The following WDFY2 variants were observed in gnomAD, a reference collection of about 807,000 sequenced individuals.
WDFY2 encodes WD repeat and FYVE domain containing 2.
Under a neutral mutation model 56.4 loss-of-function variants are expected in WDFY2, and 36 were observed. The observed-to-expected ratio is 0.64, with a 90% CI of 0.49 to 0.84. The LOEUF is 0.84. Ranked by LOEUF, WDFY2 falls within the 40% of genes least tolerant of loss-of-function variation. The probability of loss-of-function intolerance (pLI) is 0.00; values close to 1 mark genes in which losing one functional copy is unlikely to be tolerated. For missense variants in WDFY2, 444 were observed against 512.2 expected (o/e 0.87, Z 1.29); for synonymous variants, 176 against 183.7 (o/e 0.96, Z 0.34).
At chr13:51,630,036 C>G (rs150990647) in intron 1 of WDFY2, among the ~76,000 whole-genome samples, 9 of 152,034 alleles carry the variant, frequency 5.9e-5, no homozygotes, top group Admixed American at 5.9e-4. Context: ...TCTTATAAAC[C>G]TTATGTTCAC....
At chr13:51,705,650 A>C (rs1378740356) in intron 4 of WDFY2, among the ~76,000 whole-genome samples, 4 of 151,888 alleles carry the variant, frequency 2.6e-5, no homozygotes, top group Non-Finnish European at 1.5e-5. Context: ...ATTTTGATAG[A>C]GGCATGAAAT....
At chr13:51,585,919 G>A (rs1281475204) in intron 1 of WDFY2, 1 of 397,744 alleles carries the variant, frequency 2.5e-6, no homozygotes, top group East Asian at 3.6e-5. Context: ...CGATAGGTTT[G>A]TTCATGTCTT....
intron 1 of WDFY2, among the ~76,000 whole-genome samples, chr13:51,606,891 T>C (rs1954393671): frequency 6.6e-6 from 1 of 152,178 alleles, no homozygotes; most frequent in Non-Finnish European, 1.5e-5. Flanking sequence ...TCTTTCTCAT[T>C]GAATGGACAA....
At chr13:51,667,215 T>C (rs1160846044) in intron 2 of WDFY2, among the ~76,000 whole-genome samples, 3 of 152,202 alleles carry the variant, frequency 2.0e-5, no homozygotes, top group Non-Finnish European at 2.9e-5. Context: ...TTAGGAAAAA[T>C]TGGCTACTTT....
chr13:51,739,250 C>G (rs188195493), intron 7 of WDFY2, 75 bp downstream of exon 7: 15,900 of 1,446,238 alleles, frequency 0.011, 113 homozygotes, highest in Non-Finnish European at 0.012. Flanking sequence ...GGAGTGCAGC[C>G]CAGTCTGTGG....
At chr13:51,604,252 A>G (rs1215996219) in intron 1 of WDFY2, among the ~76,000 whole-genome samples, 4 of 152,184 alleles carry the variant, frequency 2.6e-5, no homozygotes, top group Admixed American at 1.3e-4. Flanking sequence ...CCAACTAGAA[A>G]AGACATTTCT....
chr13:51,719,698 T>C (rs1446785211), intron 5 of WDFY2, among the ~76,000 whole-genome samples: 1 of 152,218 alleles, frequency 6.6e-6, no homozygotes, highest in Non-Finnish European at 1.5e-5. Flanking sequence ...TTGCTCTTTG[T>C]ACAGAAGTAA....
At position 51,621,140 on chromosome 13, in the gene WDFY2, T is replaced by G. The variant is rs568807870; in HGVS notation, c.137+36316T>G. Among the ~76,000 whole-genome samples, 6 of 152,334 alleles carry G rather than the reference T, an allele frequency of 3.9e-5. No homozygotes were observed. The South Asian group carries it at 1.0e-3, about 26-fold the overall frequency. The stretch of plus-strand genomic sequence containing the variant: ...TGCATTTCTGCTGTAGTACAAGCCT[T>G]TCCTACACAAACGCATACTTTTAAT... On this transcript the variant is annotated intron_variant, in intron 1 of 11. Coordinates refer to ENST00000298125, the MANE Select transcript of WDFY2 (RefSeq NM_052950.4).
intron 3 of WDFY2, among the ~76,000 whole-genome samples, chr13:51,685,305 G>A (rs949599950): frequency 2.0e-5 from 3 of 152,074 alleles, no homozygotes; most frequent in African/African-American, 7.2e-5. Context: ...ATATAATTTT[G>A]TATTAAGTAA....
chr13:51,615,877 G>A (rs1954600820), intron 1 of WDFY2, among the ~76,000 whole-genome samples: 1 of 152,156 alleles, frequency 6.6e-6, no homozygotes, highest in Non-Finnish European at 1.5e-5. Context: ...GAATTATTCT[G>A]TGTGTGTGTT....
At chr13:51,709,577 A>G (rs1167581706) in intron 4 of WDFY2, among the ~76,000 whole-genome samples, 3 of 152,190 alleles carry the variant, frequency 2.0e-5, no homozygotes, top group Non-Finnish European at 2.9e-5. Context: ...AATCAAATAG[A>G]TGCAATAAAA....
At chr13:51,673,565 C>A (rs943943193) in intron 2 of WDFY2, among the ~76,000 whole-genome samples, 1 of 152,128 alleles carries the variant, frequency 6.6e-6, no homozygotes, top group African/African-American at 2.4e-5. Context: ...TGTGTATGTA[C>A]TTTACACAAT....
chr13:51,735,434 G>T (rs1952813934), intron 6 of WDFY2, among the ~76,000 whole-genome samples: 1 of 152,142 alleles, frequency 6.6e-6, no homozygotes, highest in South Asian at 2.1e-4. Flanking sequence ...AACTTCACCT[G>T]GATTGAAGGT....
At chr13:51,598,144 G>T (rs1954188632) in intron 1 of WDFY2, among the ~76,000 whole-genome samples, 1 of 152,130 alleles carries the variant, frequency 6.6e-6, no homozygotes, top group Non-Finnish European at 1.5e-5. Context: ...CAGATCACCT[G>T]AGTTCAGGAG....
chr13:51,675,032 G>A, intron 2 of WDFY2, 138 bp from the exon 3 acceptor site: 1 of 678,870 alleles, frequency 1.5e-6, no homozygotes, highest in Admixed American at 2.6e-5. Context: ...TTTATTTTTT[G>A]GTGAGTGGAT....
intron 6 of WDFY2, among the ~76,000 whole-genome samples, chr13:51,732,671 A>C (rs1952750192): frequency 6.6e-6 from 1 of 152,224 alleles, no homozygotes; most frequent in Non-Finnish European, 1.5e-5. Context: ...GTTCAGTGTA[A>C]AGATGCAAGT....
At chr13:51,751,092 C>T (rs1050531382) in intron 7 of WDFY2, among the ~76,000 whole-genome samples, 4 of 152,042 alleles carry the variant, frequency 2.6e-5, no homozygotes, top group Non-Finnish European at 5.9e-5. Context: ...GACAGATTAC[C>T]TCTTCCTGGG....
chr13:51,633,150 A>G (rs1954985614), intron 1 of WDFY2, among the ~76,000 whole-genome samples: 1 of 152,122 alleles, frequency 6.6e-6, no homozygotes. Context: ...TTCCCCCTGA[A>G]TAGCTGCCTG....
chr13:51,747,509 A>G (rs1048739670), intron 7 of WDFY2, among the ~76,000 whole-genome samples: 2 of 152,228 alleles, frequency 1.3e-5, no homozygotes, highest in African/African-American at 4.8e-5. Flanking sequence ...AACAAATGCA[A>G]TTATTTATAG....
Sources: gnomAD v4.1 joint callset for allele counts (sites outside exome capture counted in the v4.1 genomes callset) on GRCh38, gnomAD v4.1.1 for gene constraint, MANE v1.5 for transcripts, NCBI Gene and HGNC (gene_info 2026-07-23, HGNC 2026-07-21) for gene names.